Variants in TMC5 observed in about 807,000 individuals in gnomAD.
The protein encoded by TMC5 is transmembrane channel like 5, also known as transmembrane channel-like protein 5.
TMC5 carries 86 observed loss-of-function variants against 110.5 expected under a neutral mutation model. The observed-to-expected ratio is 0.78, with a 90% CI of 0.65 to 0.93. The LOEUF is 0.93. Ranked by LOEUF, TMC5 falls within the 40% of genes least tolerant of loss-of-function variation. TMC5 has a pLI of 0.00. For missense variants in TMC5, 1,144 were observed against 1,222.8 expected, an observed-to-expected ratio of 0.94 and a Z score of 0.96; for synonymous variants, 455 against 439.5, an observed-to-expected ratio of 1.04 and a Z score of -0.44.
intron 1 of TMC5, among the ~76,000 whole-genome samples, chr16:19,418,632 G>A (rs1236578994): frequency 6.6e-6 from 1 of 151,224 alleles, no homozygotes; most frequent in East Asian, 1.9e-4. Flanking sequence ...CTTCTTTATG[G>A]TGTTCAAGAA....
At chr16:19,494,198 C>A in intron 19 of TMC5, 64 bp from the exon 20 acceptor site, 1 of 1,343,656 alleles carries the variant, frequency 7.4e-7, no homozygotes, top group Non-Finnish European at 1.0e-6. Flanking sequence ...ATTGCTTTCT[C>A]AATTCCATAC....
intron 2 of TMC5, among the ~76,000 whole-genome samples, chr16:19,438,062 G>A (rs1882453502): frequency 6.6e-6 from 1 of 152,090 alleles, no homozygotes. Flanking sequence ...GGGAGAGTAG[G>A]CAAGTAAAAA....
intron 15 of TMC5, among the ~76,000 whole-genome samples, chr16:19,484,123 T>C (rs987230468): frequency 2.2e-4 from 33 of 151,962 alleles, no homozygotes; most frequent in African/African-American, 7.7e-4. Context: ...TGAATCATGT[T>C]GAGGATTAAA....
chr16:19,480,777 C>T (rs1383928968), intron 14 of TMC5, among the ~76,000 whole-genome samples: 22 of 147,342 alleles, frequency 1.5e-4, no homozygotes, highest in African/African-American at 5.6e-4. Flanking sequence ...TGCCCTCCAC[C>T]CTGGGTGACA....
chr16:19,449,262 A>G (rs990389635), intron 4 of TMC5, among the ~76,000 whole-genome samples: 1 of 152,202 alleles, frequency 6.6e-6, no homozygotes, highest in Non-Finnish European at 1.5e-5. Context: ...CTGGGATTAC[A>G]GGCGTGAGCT....
At chr16:19,457,898 A>G (rs1967927194) in intron 5 of TMC5, among the ~76,000 whole-genome samples, 1 of 150,584 alleles carries the variant, frequency 6.6e-6, no homozygotes, top group Admixed American at 6.6e-5. Context: ...TAATTTTTGT[A>G]TTTTTAGTAG....
rs1424232147 is a variant in TMC5, at chr16:19,479,511, G to A, written c.2250G>A (p.Leu750=). The change falls in exon 14 of 22, where the codon CTG becomes CTA. Residue 750 remains leucine, a synonymous_variant. Transcript: ENST00000542583. ...TGTTCTCTTTAGTCAATTCCTTCCT[G>A]GGGGAGTTTCTGAGGAGGTAAATAT... is the stretch of plus-strand genomic sequence containing the variant. ...DFVFSLVNSF[L]GEFLRRIIGM... The A allele has an allele frequency of 6.2e-7, 1 of 1,613,298 alleles. No individual in the cohort carries two copies. Among genetic ancestry groups the A allele is most frequent in the East Asian group, 2.2e-5 (1 of 44,884 alleles).
chr16:19,494,188 A>G (rs568160497), intron 19 of TMC5, 74 bp from the exon 20 acceptor site: 3 of 1,232,428 alleles, frequency 2.4e-6, no homozygotes, highest in East Asian at 2.4e-5. Context: ...CTTCCCATCA[A>G]TTGCTTTCTC....
chr16:19,449,120 G>A (rs1162985916), intron 4 of TMC5, among the ~76,000 whole-genome samples: 4 of 151,846 alleles, frequency 2.6e-5, no homozygotes, highest in African/African-American at 7.3e-5. Flanking sequence ...CAAAGTGCTG[G>A]GATTACAGGC....
At chr16:19,424,831 T>C (rs1967058550) in intron 1 of TMC5, among the ~76,000 whole-genome samples, 1 of 152,182 alleles carries the variant, frequency 6.6e-6, no homozygotes. Flanking sequence ...AGGGTTTTTA[T>C]GGAGGTTCCA....
chr16:19,457,816 C>G (rs1306464937), intron 5 of TMC5, among the ~76,000 whole-genome samples: 1 of 140,628 alleles, frequency 7.1e-6, no homozygotes, highest in Admixed American at 8.0e-5. Flanking sequence ...CTCTGCTTCC[C>G]AGGTTTAAGT....
chr16:19,440,270 C>T lies in TMC5; in HGVS notation c.232C>T (p.Leu78=), dbSNP rs1318639789. The change falls in exon 3 of 22, where the codon CTG becomes TTG. Residue 78 remains leucine (L), a synonymous_variant. Coordinates refer to ENST00000542583, the MANE Select transcript of TMC5 (RefSeq NM_001261841.2). The stretch of plus-strand genomic sequence containing the variant: ...GGCAGAACCAAATTATCCTAGATCT[C>T]TGAGTAATCCAGACTATTCTGGCAC... ...SLAEPNYPRS[L]SNPDYSGTRS... 2 of 1,614,178 alleles carry T rather than the reference C, an allele frequency of 1.2e-6. No individual in the cohort carries two copies. The highest frequency in any genetic ancestry group is 1.7e-5 in the Admixed American group (1 of 60,008).
intron 6 of TMC5, 81 bp downstream of exon 6, chr16:19,460,415 A>G: frequency 1.0e-6 from 1 of 983,210 alleles, no homozygotes; most frequent in East Asian, 2.6e-5. Flanking sequence ...CAAAAAGATA[A>G]GAAATAAATA....
chr16:19,458,105 A>T (rs1038846607), intron 5 of TMC5, among the ~76,000 whole-genome samples: 1 of 152,056 alleles, frequency 6.6e-6, no homozygotes, highest in Non-Finnish European at 1.5e-5. Context: ...AACAGATAGG[A>T]TGTCTCTTGT....
In TMC5 at chr16:19,498,749, T is replaced by G. The variant is rs1969118150; in HGVS notation, c.*783T>G. ...AATTTTTGACAGTCTCTACGGAGAC[T>G]GAATAAGAAAAAAGAAAAGAAAAGA... On this transcript the variant is annotated 3_prime_UTR_variant, in exon 22 of 22. Coordinates refer to ENST00000542583, the MANE Select transcript of TMC5 (RefSeq NM_001261841.2). 6.6e-6 allele frequency: 1 copy of G among 151,998 alleles called. No homozygotes were observed. The highest frequency in any genetic ancestry group is 2.1e-4 in the South Asian group (1 of 4,806). The allele number at this position is 151,998 out of a possible 1,614,324, so 9.4% of individuals were successfully genotyped here. A position where few individuals can be genotyped will look rare whatever the true frequency, so the allele number is the denominator to read the frequency against.
chr16:19,427,119 C>T (rs370243179), intron 1 of TMC5, among the ~76,000 whole-genome samples: 1 of 152,090 alleles, frequency 6.6e-6, no homozygotes, highest in Non-Finnish European at 1.5e-5. Context: ...GGCACCCAAG[C>T]TTGATGTTGT....
rs764425171 is a variant in TMC5, at chr16:19,481,445, C to G, written c.2343C>G (p.Ile781Met). Residue 781 changes from isoleucine (I) to methionine (M), a missense_variant, in exon 15 of 22, where the codon ATC (isoleucine) becomes ATG (methionine). Coordinates refer to ENST00000542583, the MANE Select transcript of TMC5 (RefSeq NM_001261841.2). ...FDIARNVLEL[I>M]YAQTLVWIGI... ...TTGCCAGGAACGTTCTAGAACTGAT[C>G]TATGCACAAACTCTGGTGTGGTAAG... 1.9e-6 allele frequency: 3 copies of G among 1,613,574 alleles called. No individual in the cohort carries two copies. The highest frequency in any genetic ancestry group is 1.7e-5 in the Admixed American group (1 of 59,994).
rs58394537 is a variant in TMC5 at position 19,439,665 on chromosome 16, G to A, written c.-79-295G>A. The stretch of plus-strand genomic sequence containing the variant: ...CTTTGTGTGCATGACCCAAGATGGT[G>A]CACCGTCATTTCCGCATTCCAGCCC... On this transcript the variant is annotated intron_variant, in intron 2 of 21. Transcript: ENST00000542583. Among the ~76,000 whole-genome samples, 1,320 of 152,268 alleles carry A rather than the reference G, an allele frequency of 8.7e-3. 65 individuals carry two copies. The highest frequency in any genetic ancestry group is 0.064 in the Admixed American group (983 of 15,292).
rs76104422 is a variant in TMC5 at position 19,427,407 on chromosome 16, G to A, written c.-307-3006G>A. ...TTCGAGGCTGCAGTGAGCTATCATC[G>A]TGCCACTGCACACCAGCCTGAGTGA... is the stretch of plus-strand genomic sequence containing the variant. On this transcript the variant is annotated intron_variant, in intron 1 of 21. Coordinates refer to ENST00000542583, the MANE Select transcript of TMC5 (RefSeq NM_001261841.2). Among the ~76,000 whole-genome samples, 980 of 152,292 alleles carry A rather than the reference G, an allele frequency of 6.4e-3. 10 individuals carry two copies. The highest frequency in any genetic ancestry group is 0.022 in the African/African-American group (900 of 41,552).
Sources: allele counts gnomAD v4.1 joint callset (sites outside exome capture counted in the v4.1 genomes callset), GRCh38; gene constraint gnomAD v4.1.1; transcripts MANE v1.5; gene names NCBI Gene and HGNC (gene_info 2026-07-23, HGNC 2026-07-21).